Variants in SDK2 observed in about 807,000 individuals in gnomAD.
SDK2 encodes sidekick cell adhesion molecule 2.
SDK2 carries 105 observed loss-of-function variants against 253.9 expected under a neutral mutation model. The observed-to-expected ratio is 0.41, with a 90% CI of 0.35 to 0.49. The LOEUF is 0.49. Among genes scored for constraint, SDK2 ranks in the 20% least tolerant of loss-of-function variants. The probability of loss-of-function intolerance (pLI) is 0.06; values close to 1 mark genes in which losing one functional copy is unlikely to be tolerated. For missense variants in SDK2, 2,608 were observed against 3,003.0 expected (o/e 0.87, Z 3.07); for synonymous variants, 1,249 against 1,234.9 (o/e 1.01, Z -0.24).
At position 73,541,877 on chromosome 17, in the gene SDK2, T is replaced by C. The variant is rs1210108536; in HGVS notation, c.65-34280A>G. On this transcript the variant is annotated intron_variant, in intron 1 of 44. Transcript: ENST00000392650. The surrounding 1 kb of genome is among the most constrained non-coding windows in gnomAD (Gnocchi z 4.3). Reference sequence around the variant, plus strand: ...GGCTCATGGTTTGGTGGAAACCACCTAGGCTGGGATGCAAGTCCAGGCCTG... The same window carrying C: ...GGCTCATGGTTTGGTGGAAACCACCCAGGCTGGGATGCAAGTCCAGGCCTG... Among the ~76,000 whole-genome samples, 1 of 152,218 alleles carries C rather than the reference T, an allele frequency of 6.6e-6. No individual in the cohort carries two copies. Among genetic ancestry groups the C allele is most frequent in the Non-Finnish European group, 1.5e-5 (1 of 68,032 alleles).
chr17:73,643,957 T>TCCCCCCCCCCC lies in SDK2; in HGVS notation c.64+67_64+68insGGGGGGGGGGG. On this transcript the variant is annotated intron_variant, in intron 1 of 44. Coordinates refer to ENST00000392650, the MANE Select transcript of SDK2 (RefSeq NM_001144952.2). The surrounding 1 kb of genome is among the most constrained non-coding windows in gnomAD (Gnocchi z 6.9). ...GGAGGTCACCGTGAGGCCGGCCAGC[T>TCCCCCCCCCCC]CCCGCCGCCCCTCCCCCGCCCACTC... is the stretch of plus-strand genomic sequence containing the variant. 4 of 1,020,000 alleles carry TCCCCCCCCCCC rather than the reference T, an allele frequency of 3.9e-6. No individual in the cohort carries two copies. Among genetic ancestry groups the TCCCCCCCCCCC allele is most frequent in the Non-Finnish European group, 4.4e-6 (3 of 674,884 alleles). 63.2% of individuals were successfully genotyped at this position (1,020,000 alleles called of 1,614,324 possible).
Position 73,421,397 on chromosome 17 carries a change from C to G in SDK2, c.2045+890G>C, listed in dbSNP as rs112447770. 3.8e-3 allele frequency among the ~76,000 whole-genome samples: 574 copies of G among 152,268 alleles called. 4 individuals are homozygous for G. The highest frequency in any genetic ancestry group is 0.013 in the African/African-American group (526 of 41,554). On this transcript the variant is annotated intron_variant, in intron 15 of 44. Coordinates refer to ENST00000392650, the MANE Select transcript of SDK2 (RefSeq NM_001144952.2). ...GTCTTTCAAAGAGCCAAGTGCAAGGCTTTGCGCACGTGATTTGTATCACGG... is the reference window on the plus strand; with the variant it reads ...GTCTTTCAAAGAGCCAAGTGCAAGGGTTTGCGCACGTGATTTGTATCACGG...
At chr17:73,530,865 G>C (rs1303129706) in intron 1 of SDK2, among the ~76,000 whole-genome samples, 1 of 152,144 alleles carries the variant, frequency 6.6e-6, no homozygotes, top group African/African-American at 2.4e-5. Context: ...CATAGGAAAA[G>C]GGGACCCCGT....
intron 1 of SDK2, among the ~76,000 whole-genome samples, chr17:73,590,731 G>A (rs961628888): frequency 1.3e-5 from 2 of 152,184 alleles, no homozygotes; most frequent in Non-Finnish European, 2.9e-5. Context: ...TTGAGGCCCT[G>A]AGTTTTGGGT....
chr17:73,502,336 G>A (rs1399610308), intron 2 of SDK2, among the ~76,000 whole-genome samples: 1 of 152,188 alleles, frequency 6.6e-6, no homozygotes, highest in Non-Finnish European at 1.5e-5. Flanking sequence ...GAAGTCCTCA[G>A]TATCCAGCAG....
chr17:73,458,021 C>T (rs1362363612), intron 3 of SDK2, among the ~76,000 whole-genome samples: 1 of 152,144 alleles, frequency 6.6e-6, no homozygotes, highest in Non-Finnish European at 1.5e-5. Context: ...CTCTATCATT[C>T]AGGCTGGAGC....
At chr17:73,348,500 C>T in intron 44 of SDK2, 99 bp downstream of exon 44, 1 of 1,402,366 alleles carries the variant, frequency 7.1e-7, no homozygotes, top group Non-Finnish European at 9.6e-7. Context: ...ATTTGCTGCC[C>T]CTTGAAGGAA....
chr17:73,474,390 G>A (rs2063671601), intron 2 of SDK2, among the ~76,000 whole-genome samples: 1 of 152,166 alleles, frequency 6.6e-6, no homozygotes, highest in Admixed American at 6.5e-5. Flanking sequence ...AAGTCCCACA[G>A]AGCCTTTCAG....
In SDK2 at chr17:73,383,717, AAATG is replaced by A. The variant is rs1396657661; in HGVS notation, c.4705+155_4705+158del. Reference sequence around the variant, plus strand: ...AGAAGGTGCTCAGTAAATATTCAGTAAATGAATGAATGGGATGGGAGGAGGGAGA... The same window carrying A: ...AGAAGGTGCTCAGTAAATATTCAGTAAATGAATGGGATGGGAGGAGGGAGA... On this transcript the variant is annotated intron_variant, in intron 33 of 44. Coordinates refer to ENST00000392650, the MANE Select transcript of SDK2 (RefSeq NM_001144952.2). The surrounding 1 kb of genome is among the most constrained non-coding windows in gnomAD (Gnocchi z 4.3). Among the ~76,000 whole-genome samples, 1 of 152,200 alleles carries A rather than the reference AAATG, an allele frequency of 6.6e-6. No individual in the cohort carries two copies.
At chr17:73,405,223 A>C (rs2063061549) in intron 18 of SDK2, among the ~76,000 whole-genome samples, 1 of 131,240 alleles carries the variant, frequency 7.6e-6, no homozygotes, top group Non-Finnish European at 1.6e-5. Flanking sequence ...TGGGTGAATC[A>C]CGAGGTCAGG....
At chr17:73,572,158 G>A (rs962687203) in intron 1 of SDK2, among the ~76,000 whole-genome samples, 3 of 152,136 alleles carry the variant, frequency 2.0e-5, no homozygotes, top group African/African-American at 4.8e-5. Context: ...TTTTAGATTC[G>A]GTCCCCACAA....
intron 4 of SDK2, among the ~76,000 whole-genome samples, chr17:73,452,034 C>G (rs1356297589): frequency 6.6e-6 from 1 of 152,126 alleles, no homozygotes; most frequent in Non-Finnish European, 1.5e-5. Flanking sequence ...CTCCCTTCCC[C>G]CCACTGCTCC....
chr17:73,348,741 G>T lies in SDK2; in HGVS notation c.6039-16C>A. On this transcript the variant is annotated splice_polypyrimidine_tract_variant and intron_variant, in intron 43 of 44. Transcript: ENST00000392650. ...GGGGGGAGACCTGGAGAGAGCGGGGGAGTGGGGCCGAGAGGTGCACTCACT... is the reference window on the plus strand; with the variant it reads ...GGGGGGAGACCTGGAGAGAGCGGGGTAGTGGGGCCGAGAGGTGCACTCACT... The T allele has an allele frequency of 1.3e-6, 2 of 1,598,822 alleles. No homozygotes were observed. Among genetic ancestry groups the T allele is most frequent in the South Asian group, 1.1e-5 (1 of 90,674 alleles).
chr17:73,529,592 T>G (rs1304874859), intron 1 of SDK2, among the ~76,000 whole-genome samples: 1 of 152,158 alleles, frequency 6.6e-6, no homozygotes, highest in Non-Finnish European at 1.5e-5. Context: ...GAGGCCATAC[T>G]GGATCAGAAT....
At chr17:73,596,459 C>T (rs191018404) in intron 1 of SDK2, among the ~76,000 whole-genome samples, 9 of 152,284 alleles carry the variant, frequency 5.9e-5, no homozygotes, top group Admixed American at 2.6e-4. Flanking sequence ...TGTGAATGTA[C>T]GAAAACTCCT....
intron 1 of SDK2, among the ~76,000 whole-genome samples, chr17:73,533,371 T>A (rs1350327087): frequency 1.3e-5 from 2 of 152,232 alleles, no homozygotes; most frequent in African/African-American, 4.8e-5. Flanking sequence ...AATGACATCC[T>A]CAGAGCTGGC....
At chr17:73,470,529 A>G (rs1425962644) in intron 3 of SDK2, among the ~76,000 whole-genome samples, 1 of 152,228 alleles carries the variant, frequency 6.6e-6, no homozygotes, top group African/African-American at 2.4e-5. Context: ...GCTCCCGGGG[A>G]GCCCTCCAGC....
chr17:73,438,005 C>T lies in SDK2; in HGVS notation c.875G>A (p.Ser292Asn). The T allele has an allele frequency of 1.3e-6, 2 of 1,551,288 alleles. No individual in the cohort carries two copies. The highest frequency in any genetic ancestry group is 2.7e-5 in the African/African-American group (2 of 73,190). The change falls in exon 7 of 45, where the codon AGC (serine) becomes AAC (asparagine). Residue 292 changes from serine (S) to asparagine (N), a missense_variant. Coordinates refer to ENST00000392650, the MANE Select transcript of SDK2 (RefSeq NM_001144952.2). ...GGCGCCCCGGACAACAGAGGGGACG[C>T]TGCTGCTGCGCAGGACAGCCTCACA... The part of the protein sequence containing the change: ...YECEAVLRSS[S>N]VPSVVRGAYL...
At chr17:73,485,404 T>C (rs2063763630) in intron 2 of SDK2, among the ~76,000 whole-genome samples, 1 of 152,142 alleles carries the variant, frequency 6.6e-6, no homozygotes, top group Non-Finnish European at 1.5e-5. Flanking sequence ...AGACATCGAC[T>C]GTGGTGCTGG....
Sources: gnomAD v4.1 joint callset for allele counts (sites outside exome capture counted in the v4.1 genomes callset) on GRCh38, gnomAD v4.1.1 for gene constraint, Gnocchi (gnomAD v3.1) non-coding constraint, MANE v1.5 for transcripts, NCBI Gene and HGNC (gene_info 2026-07-23, HGNC 2026-07-21) for gene names.